CA10: variants seen among roughly 807,000 people sequenced by gnomAD.
CA10 encodes carbonic anhydrase 10 (inactive), also known as carbonic anhydrase-related protein 10.
In CA10, 14 loss-of-function variants were observed where a neutral mutation model predicts 44.2. That is an observed-to-expected ratio of 0.32 (90% CI 0.21 to 0.50). The LOEUF (loss-of-function observed/expected upper bound fraction) is 0.50, where lower values mean the gene tolerates loss of function less well. Ranked by LOEUF, CA10 falls within the 20% of genes least tolerant of loss-of-function variation. The probability of loss-of-function intolerance (pLI) is 0.99; values close to 1 mark genes in which losing one functional copy is unlikely to be tolerated. For synonymous variants in CA10, 159 were observed against 141.6 expected (o/e 1.12, Z -0.87); for missense variants, 350 against 409.7 (o/e 0.85, Z 1.26).
chr17:51,931,382 G>T (rs1015188564), intron 2 of CA10, among the ~76,000 whole-genome samples: 2 of 152,064 alleles, frequency 1.3e-5, no homozygotes, highest in African/African-American at 4.8e-5. Context: ...CAGTTTCTTT[G>T]TTGACTGCAG....
At chr17:51,743,445 A>G (rs1904542022) in intron 4 of CA10, among the ~76,000 whole-genome samples, 1 of 152,260 alleles carries the variant, frequency 6.6e-6, no homozygotes, top group Non-Finnish European at 1.5e-5. Flanking sequence ...GAGACATTTG[A>G]ATCCCTGAAT....
intron 2 of CA10, among the ~76,000 whole-genome samples, chr17:52,009,778 T>C (rs903220758): frequency 6.6e-6 from 1 of 152,014 alleles, no homozygotes; most frequent in East Asian, 1.9e-4. Flanking sequence ...AAAAAGCTTC[T>C]GCACAGCAAA....
intron 4 of CA10, among the ~76,000 whole-genome samples, chr17:51,726,923 AGGTCTTCTGATT>A (rs1916544207): frequency 1.3e-5 from 2 of 152,234 alleles, no homozygotes; most frequent in Non-Finnish European, 2.9e-5. Context: ...ATCAGAACTC[AGGTCTTCTGATT>A]CTCAGTTAGT....
chr17:52,100,816 C>T (rs1988520435), intron 1 of CA10, among the ~76,000 whole-genome samples: 1 of 152,118 alleles, frequency 6.6e-6, no homozygotes, highest in Non-Finnish European at 1.5e-5. Context: ...ATCGATCTTG[C>T]CCTACTTTGA....
At chr17:51,912,358 A>G (rs552405064) in intron 3 of CA10, among the ~76,000 whole-genome samples, 59 of 152,326 alleles carry the variant, frequency 3.9e-4, no homozygotes, top group African/African-American at 1.4e-3. Flanking sequence ...AGGAGGCTCA[A>G]GGAGGTAAAG....
intron 3 of CA10, among the ~76,000 whole-genome samples, chr17:51,848,593 C>T (rs1978604161): frequency 6.6e-6 from 1 of 152,198 alleles, no homozygotes; most frequent in Non-Finnish European, 1.5e-5. Context: ...TTCATTGATT[C>T]ACTCCAAAAT....
chr17:51,847,988 A>T (rs562050347), intron 3 of CA10, among the ~76,000 whole-genome samples: 1 of 152,266 alleles, frequency 6.6e-6, no homozygotes, highest in South Asian at 2.1e-4. Flanking sequence ...ACATCAAGGA[A>T]TTTCAGTTAC....
intron 3 of CA10, among the ~76,000 whole-genome samples, chr17:51,907,039 T>A (rs1342472383): frequency 6.6e-6 from 1 of 152,134 alleles, no homozygotes; most frequent in Non-Finnish European, 1.5e-5. Context: ...GTCTTTCCAA[T>A]ATCTATTGAA....
chr17:51,813,580 C>T (rs972687211), intron 3 of CA10, among the ~76,000 whole-genome samples: 21 of 152,156 alleles, frequency 1.4e-4, no homozygotes, highest in African/African-American at 5.1e-4. Context: ...GCATGTTTCA[C>T]CTGAAGGTCT....
chr17:51,935,338 G>C (rs1293905292), intron 2 of CA10, among the ~76,000 whole-genome samples: 1 of 152,068 alleles, frequency 6.6e-6, no homozygotes, highest in Non-Finnish European at 1.5e-5. Flanking sequence ...ATTAGCTAAT[G>C]CTGTGTCTTT....
chr17:51,875,383 G>C (rs1022940810), intron 3 of CA10, among the ~76,000 whole-genome samples: 1 of 152,104 alleles, frequency 6.6e-6, no homozygotes, highest in African/African-American at 2.4e-5. Context: ...TTATTAGAAG[G>C]TTACCAAGTC....
intron 3 of CA10, among the ~76,000 whole-genome samples, chr17:51,856,728 G>A (rs1484059855): frequency 6.6e-6 from 1 of 152,174 alleles, no homozygotes; most frequent in African/African-American, 2.4e-5. Flanking sequence ...TGCTTGTGCA[G>A]AGTCCTAGGA....
At chr17:51,836,039 G>A (rs1277405786) in intron 3 of CA10, among the ~76,000 whole-genome samples, 1 of 152,088 alleles carries the variant, frequency 6.6e-6, no homozygotes, top group Non-Finnish European at 1.5e-5. Flanking sequence ...AGAGGAAAGA[G>A]AAGGAGGAAC....
intron 2 of CA10, among the ~76,000 whole-genome samples, chr17:51,960,086 A>G (rs1332881441): frequency 6.6e-6 from 1 of 151,926 alleles, no homozygotes; most frequent in Non-Finnish European, 1.5e-5. Flanking sequence ...AATAGAAAAT[A>G]TAAACACGAA....
At chr17:52,131,861 G>A (rs1179518793) in intron 1 of CA10, among the ~76,000 whole-genome samples, 1 of 152,058 alleles carries the variant, frequency 6.6e-6, no homozygotes, top group Non-Finnish European at 1.5e-5. Context: ...TCCTTTGTAG[G>A]GATATGGATG....
At chr17:52,036,420 G>C (rs1446087327) in intron 2 of CA10, among the ~76,000 whole-genome samples, 1 of 152,170 alleles carries the variant, frequency 6.6e-6, no homozygotes, top group Non-Finnish European at 1.5e-5. Context: ...TGAGATAATA[G>C]ATGATACAGT....
chr17:51,994,935 C>G (rs568434397), intron 2 of CA10, among the ~76,000 whole-genome samples: 53 of 152,104 alleles, frequency 3.5e-4, no homozygotes, highest in African/African-American at 1.3e-3. Flanking sequence ...TTTCTAAAAA[C>G]AGTGTTAAAG....
chr17:51,910,600 T>C (rs529744915), intron 3 of CA10, among the ~76,000 whole-genome samples: 4 of 152,310 alleles, frequency 2.6e-5, no homozygotes, highest in Admixed American at 2.0e-4. Context: ...CCTCTAACTT[T>C]ATTACAAGTG....
At chr17:52,003,236 G>A (rs116784124) in intron 2 of CA10, among the ~76,000 whole-genome samples, 1,602 of 151,922 alleles carry the variant, frequency 0.011, 30 homozygotes, top group African/African-American at 0.037. Context: ...AGTCAAACTT[G>A]AGCATCAGCT....
Sources: gnomAD v4.1 joint callset for allele counts (sites outside exome capture counted in the v4.1 genomes callset) on GRCh38, gnomAD v4.1.1 for gene constraint, MANE v1.5 for transcripts, NCBI Gene and HGNC (gene_info 2026-07-23, HGNC 2026-07-21) for gene names.